The following CTPS2 variants were observed in gnomAD, a reference collection of about 807,000 sequenced individuals.
CTPS2 encodes the protein CTP synthase II.
Under a neutral mutation model 46.8 loss-of-function variants are expected in CTPS2, and 19 were observed. The observed-to-expected ratio is 0.41, with a 90% CI of 0.28 to 0.60. The LOEUF (loss-of-function observed/expected upper bound fraction) is 0.60, where lower values mean the gene tolerates loss of function less well. Among genes scored for constraint, CTPS2 ranks in the 20% least tolerant of loss-of-function variants. CTPS2 has a pLI of 0.35. For synonymous variants in CTPS2, 151 were observed against 165.2 expected, an observed-to-expected ratio of 0.91 and a Z score of 0.66; for missense variants, 286 against 447.6, an observed-to-expected ratio of 0.64 and a Z score of 3.26.
intron 15 of CTPS2, among the ~76,000 whole-genome samples, chrX:16,618,191 C>T (rs887419432): frequency 2.7e-5 from 3 of 111,849 alleles, no homozygotes; most frequent in Non-Finnish European, 5.6e-5. Context: ...TAGAATCATG[C>T]AATATGTGGG....
At chrX:16,665,411 C>T (rs1024156227) in intron 13 of CTPS2, among the ~76,000 whole-genome samples, 2 of 112,400 alleles carry the variant, frequency 1.8e-5, no homozygotes, top group Non-Finnish European at 3.8e-5. Flanking sequence ...TGTTTCATGT[C>T]CATATAATGA....
intron 14 of CTPS2, among the ~76,000 whole-genome samples, chrX:16,623,726 C>T (rs1930959315): frequency 1.9e-5 from 2 of 103,318 alleles, no homozygotes; most frequent in Non-Finnish European, 3.9e-5. Flanking sequence ...CATGGGACTG[C>T]GATATCTCTT....
chrX:16,620,693 A>T (rs1930777865), intron 14 of CTPS2, among the ~76,000 whole-genome samples: 1 of 112,029 alleles, frequency 8.9e-6, no homozygotes, highest in Non-Finnish European at 1.9e-5. Flanking sequence ...AATGAGCCTC[A>T]TTTACAAAGG....
At chrX:16,703,056 C>T (rs1924707446) in intron 1 of CTPS2, 115 bp from the exon 2 acceptor site, 2 of 466,122 alleles carry the variant, frequency 4.3e-6, no homozygotes, top group African/African-American at 5.3e-5. Context: ...CATAGTCTTA[C>T]TGTCACCCAG....
intron 1 of CTPS2, among the ~76,000 whole-genome samples, chrX:16,705,582 G>C (rs1238617289): frequency 8.9e-6 from 1 of 112,247 alleles, no homozygotes; most frequent in Non-Finnish European, 1.9e-5. Flanking sequence ...AATATTCATA[G>C]CTCCTCCTGT....
chrX:16,595,906 G>A (rs1041801504), intron 17 of CTPS2, among the ~76,000 whole-genome samples: 1 of 112,539 alleles, frequency 8.9e-6, no homozygotes, highest in Non-Finnish European at 1.9e-5. Context: ...GTCTTGCTCT[G>A]TCACCCAGGC....
chrX:16,619,285 C>A (rs778107691), intron 15 of CTPS2, among the ~76,000 whole-genome samples: 1 of 112,155 alleles, frequency 8.9e-6, no homozygotes, highest in Non-Finnish European at 1.9e-5. Context: ...CTGGTTCTAA[C>A]TGGTCTAAGC....
intron 10 of CTPS2, among the ~76,000 whole-genome samples, chrX:16,675,222 T>C (rs767898915): frequency 6.7e-5 from 7 of 104,615 alleles, no homozygotes; most frequent in Non-Finnish European, 1.2e-4. Flanking sequence ...GAGCCAAGAT[T>C]ACACCACTGC....
chrX:16,689,691 G>A, intron 7 of CTPS2, 90 bp from the exon 8 acceptor site: 2 of 829,833 alleles, frequency 2.4e-6, no homozygotes, highest in Non-Finnish European at 3.5e-6. Flanking sequence ...GAGACTGGCA[G>A]TTTATTTACA....
intron 14 of CTPS2, among the ~76,000 whole-genome samples, chrX:16,637,995 C>A (rs1333946967): frequency 8.9e-6 from 1 of 111,766 alleles, no homozygotes; most frequent in African/African-American, 3.2e-5. Context: ...GTGACTCACG[C>A]CTGTAATCCC....
At chrX:16,625,132 C>T (rs1454309231) in intron 14 of CTPS2, among the ~76,000 whole-genome samples, 1 of 112,045 alleles carries the variant, frequency 8.9e-6, no homozygotes. Context: ...GTGGAAGCAA[C>T]CCAAATGTTC....
chrX:16,667,125 A>AC (rs1264934602), intron 13 of CTPS2, among the ~76,000 whole-genome samples: 1,741 of 71,781 alleles, frequency 0.024, 22 homozygotes, highest in Middle Eastern at 0.041. Flanking sequence ...ATAATAATAG[A>AC]CCCCCCCCCG....
intron 10 of CTPS2, among the ~76,000 whole-genome samples, chrX:16,677,941 G>A (rs886128524): frequency 1.8e-5 from 2 of 111,997 alleles, no homozygotes; most frequent in African/African-American, 6.5e-5. Context: ...CTCTGCTTGT[G>A]GAGTAGCCAT....
intron 10 of CTPS2, among the ~76,000 whole-genome samples, chrX:16,674,888 G>A (rs1007493003): frequency 9.1e-6 from 1 of 110,440 alleles, no homozygotes; most frequent in Non-Finnish European, 1.9e-5. Context: ...AAAGTTAAAG[G>A]TGTATTCAGG....
At chrX:16,692,273 T>A (rs773619694) in intron 6 of CTPS2, among the ~76,000 whole-genome samples, 197 of 108,634 alleles carry the variant, frequency 1.8e-3, no homozygotes, top group African/African-American at 6.4e-3. Flanking sequence ...CAAAACCCTG[T>A]CTCTACAAAC....
chrX:16,617,271 T>C, intron 15 of CTPS2, 25 bp from the exon 16 acceptor site: 1 of 1,117,741 alleles, frequency 8.9e-7, no homozygotes, highest in Non-Finnish European at 1.2e-6. Flanking sequence ...ATTAAGTGTT[T>C]ATGGGCCACA....
intron 14 of CTPS2, among the ~76,000 whole-genome samples, chrX:16,627,681 C>T (rs894554004): frequency 2.0e-4 from 22 of 111,797 alleles, no homozygotes; most frequent in African/African-American, 7.2e-4. Context: ...GCCCTACTGG[C>T]CTAGATGCTC....
At chrX:16,655,168 T>C (rs1205900657) in intron 13 of CTPS2, among the ~76,000 whole-genome samples, 1 of 112,004 alleles carries the variant, frequency 8.9e-6, no homozygotes, top group Non-Finnish European at 1.9e-5. Flanking sequence ...GACGTCATGC[T>C]ATCTCCCAGC....
In CTPS2 at chrX:16,611,665, AC is replaced by A. The variant is rs765158546; in HGVS notation, c.1547-1981del. Among the ~76,000 whole-genome samples, 38 of 111,453 alleles carry A rather than the reference AC, an allele frequency of 3.4e-4. No homozygotes were observed. The East Asian group carries it at 3.6e-3, about 11-fold the overall frequency. ...GTGGCTACCATATTGGATAGGGTGG[AC>A]TAGTTCTATCATTGCAGTGAGTTCT... is the stretch of plus-strand genomic sequence containing the variant. On this transcript the variant is annotated intron_variant, in intron 16 of 18. Coordinates refer to ENST00000359276, the MANE Select transcript of CTPS2 (RefSeq NM_175859.3).
Sources: gnomAD v4.1 joint callset for allele counts (sites outside exome capture counted in the v4.1 genomes callset) on GRCh38, gnomAD v4.1.1 for gene constraint, MANE v1.5 for transcripts, NCBI Gene and HGNC (gene_info 2026-07-23, HGNC 2026-07-21) for gene names.